The following ASTN2 variants were observed in gnomAD, a reference collection of about 807,000 sequenced individuals.
ASTN2 encodes astrotactin 2.
Under a neutral mutation model 139.8 loss-of-function variants are expected in ASTN2, and 54 were observed. That is an observed-to-expected ratio of 0.39 (90% CI 0.31 to 0.48). The LOEUF is 0.48. Among genes scored for constraint, ASTN2 ranks in the 20% least tolerant of loss-of-function variants. ASTN2 has a pLI of 0.95. For synonymous variants in ASTN2, 756 were observed against 719.5 expected, an observed-to-expected ratio of 1.05 and a Z score of -0.81; for missense variants, 1,565 against 1,725.1, an observed-to-expected ratio of 0.91 and a Z score of 1.64.
intron 11 of ASTN2, among the ~76,000 whole-genome samples, chr9:116,859,146 A>G (rs1202896563): frequency 6.6e-6 from 1 of 152,134 alleles, no homozygotes; most frequent in Non-Finnish European, 1.5e-5. Flanking sequence ...TCCTGAGCAC[A>G]CTCTGATAAT....
At chr9:116,964,254 T>TGCGCGC (rs1418888226) in intron 10 of ASTN2, among the ~76,000 whole-genome samples, 33 of 129,020 alleles carry the variant, frequency 2.6e-4, no homozygotes, top group African/African-American at 9.6e-4. Context: ...TGTGTGTGTG[T>TGCGCGC]GTGCGCGCGC....
intron 19 of ASTN2, among the ~76,000 whole-genome samples, chr9:116,609,377 G>GGGTATATATATATATATATATA (rs1855402524): frequency 3.2e-5 from 1 of 31,614 alleles, no homozygotes; most frequent in Non-Finnish European, 5.6e-5. Flanking sequence ...ATATATATGG[G>GGGTATATATATATATATATATA]TGTATATATA....
At position 117,056,670 on chromosome 9, in the gene ASTN2, T is replaced by C. The variant is rs539587697; in HGVS notation, c.1277-16705A>G. On this transcript the variant is annotated intron_variant, in intron 5 of 22. Transcript: ENST00000313400. ...CAGCAGGCAAGCTGATTCCTTGTTA[T>C]CTTTACCAAGGCACCTCTCCCTGGA... Among the ~76,000 whole-genome samples, 148 of 152,338 alleles carry C rather than the reference T, an allele frequency of 9.7e-4. 1 individual carries two copies. Among genetic ancestry groups the C allele is most frequent in the African/African-American group, 3.5e-3 (145 of 41,578 alleles).
chr9:117,269,463 G>A (rs929611015), intron 2 of ASTN2, among the ~76,000 whole-genome samples: 1 of 152,162 alleles, frequency 6.6e-6, no homozygotes, highest in African/African-American at 2.4e-5. Flanking sequence ...AAATTGGGGA[G>A]GTTTTTTATA....
intron 11 of ASTN2, among the ~76,000 whole-genome samples, chr9:116,835,437 C>A (rs1564293808): frequency 6.6e-6 from 1 of 152,170 alleles, no homozygotes; most frequent in African/African-American, 2.4e-5. Context: ...AACATAGCTA[C>A]ATCTTTTTCT....
At chr9:117,303,471 A>G (rs1048805474) in intron 1 of ASTN2, among the ~76,000 whole-genome samples, 1 of 151,904 alleles carries the variant, frequency 6.6e-6, no homozygotes, top group Non-Finnish European at 1.5e-5. Context: ...CCTCTCCTTC[A>G]CCCCTGCTTT....
intron 20 of ASTN2, among the ~76,000 whole-genome samples, chr9:116,478,991 CAAAAAAAAAAAAA>C (rs34860380): frequency 3.3e-5 from 2 of 61,004 alleles, no homozygotes; most frequent in African/African-American, 1.4e-4. Context: ...GACTGTGCCT[CAAAAAAAAAAAAA>C]AAAAAAAAAA....
intron 19 of ASTN2, among the ~76,000 whole-genome samples, chr9:116,499,802 T>TAAA (rs1312926873): frequency 1.3e-5 from 2 of 152,116 alleles, no homozygotes; most frequent in Admixed American, 1.3e-4. Flanking sequence ...CACTGGGTCT[T>TAAA]ATGTAAAAGA....
intron 17 of ASTN2, among the ~76,000 whole-genome samples, chr9:116,649,957 T>A (rs1857816857): frequency 6.6e-6 from 1 of 152,186 alleles, no homozygotes; most frequent in South Asian, 2.1e-4. Context: ...GTACAAACAA[T>A]GTTCTTTTCT....
chr9:117,348,485 C>T (rs1468487407), intron 1 of ASTN2, among the ~76,000 whole-genome samples: 5 of 152,056 alleles, frequency 3.3e-5, no homozygotes, highest in Admixed American at 6.6e-5. Flanking sequence ...GGTGTTCTAT[C>T]GTTAAAGAAA....
chr9:117,074,415 G>C (rs1828219588), intron 5 of ASTN2, among the ~76,000 whole-genome samples: 1 of 152,200 alleles, frequency 6.6e-6, no homozygotes, highest in Non-Finnish European at 1.5e-5. Flanking sequence ...TTCCCAACCA[G>C]ACCTGCTGGG....
chr9:116,692,852 A>G (rs909318105), intron 16 of ASTN2, among the ~76,000 whole-genome samples: 4 of 152,244 alleles, frequency 2.6e-5, no homozygotes, highest in African/African-American at 7.2e-5. Context: ...CCTGGTCTCA[A>G]GTAAGGAGAT....
At chr9:116,934,522 C>G (rs1835008501) in intron 10 of ASTN2, among the ~76,000 whole-genome samples, 1 of 151,302 alleles carries the variant, frequency 6.6e-6, no homozygotes, top group Non-Finnish European at 1.5e-5. Flanking sequence ...GAACAGAAAA[C>G]CAAATACAGC....
chr9:116,979,009 T>C (rs546593407), intron 7 of ASTN2, among the ~76,000 whole-genome samples: 1 of 152,352 alleles, frequency 6.6e-6, no homozygotes, highest in African/African-American at 2.4e-5. Flanking sequence ...ATGTATGCAT[T>C]CATCAAGTAA....
intron 20 of ASTN2, among the ~76,000 whole-genome samples, chr9:116,475,710 T>C (rs967347568): frequency 6.6e-6 from 1 of 152,220 alleles, no homozygotes; most frequent in East Asian, 1.9e-4. Flanking sequence ...CCTCTAGGCA[T>C]TGTTCAGATG....
At position 116,509,161 on chromosome 9, in the gene ASTN2, C is replaced by T. The variant is rs117510302; in HGVS notation, c.3356-21661G>A. On this transcript the variant is annotated intron_variant, in intron 19 of 22. Transcript: ENST00000313400. ...CTCCTAATGCTATCACTCCCCCTTC[C>T]CCTCACCCCACGACAGGCCCTGGCG... is the stretch of plus-strand genomic sequence containing the variant. 0.019 allele frequency among the ~76,000 whole-genome samples: 2,845 copies of T among 152,234 alleles called. 385 individuals carry two copies. In the South Asian group the frequency reaches 0.27, roughly 15 times the overall value.
At chr9:116,642,992 T>C (rs811458) in intron 17 of ASTN2, among the ~76,000 whole-genome samples, 110,946 of 152,018 alleles carry the variant, frequency 0.73, 40,706 homozygotes, top group East Asian at 0.87. Flanking sequence ...ACTCAGACAT[T>C]CTGGGTTTGA....
intron 10 of ASTN2, among the ~76,000 whole-genome samples, chr9:116,904,049 G>T (rs545957118): frequency 6.6e-6 from 1 of 152,192 alleles, no homozygotes. Flanking sequence ...TCTGCTGTGC[G>T]CCACAGGGTC....
At chr9:117,263,996 A>T (rs775400213) in intron 2 of ASTN2, among the ~76,000 whole-genome samples, 6 of 152,158 alleles carry the variant, frequency 3.9e-5, no homozygotes, top group Non-Finnish European at 8.8e-5. Flanking sequence ...GCGAAATCCC[A>T]TCTCTACCAA....
Sources: gnomAD v4.1 joint callset for allele counts (sites outside exome capture counted in the v4.1 genomes callset) on GRCh38, gnomAD v4.1.1 for gene constraint, MANE v1.5 for transcripts, NCBI Gene and HGNC (gene_info 2026-07-23, HGNC 2026-07-21) for gene names.